PTPRD: variants seen among roughly 807,000 people sequenced by gnomAD.
PTPRD encodes protein tyrosine phosphatase receptor type D, also known as receptor-type tyrosine-protein phosphatase delta.
PTPRD carries 34 observed loss-of-function variants against 214.5 expected under a neutral mutation model. That is an observed-to-expected ratio of 0.16 (90% confidence interval 0.12 to 0.21). PTPRD has a LOEUF of 0.21. Among genes scored for constraint, PTPRD ranks in the 10% least tolerant of loss-of-function variants. The probability of loss-of-function intolerance (pLI) is 1.00; values close to 1 mark genes in which losing one functional copy is unlikely to be tolerated. For missense variants in PTPRD, 2,545 were observed against 2,398.7 expected (o/e 1.06, Z -1.27); for synonymous variants, 1,128 against 845.7 (o/e 1.33, Z -5.79).
At chr9:10,558,060 G>C (rs2063030988) in intron 2 of PTPRD, among the ~76,000 whole-genome samples, 3 of 152,034 alleles carry the variant, frequency 2.0e-5, no homozygotes, top group Admixed American at 2.0e-4. Context: ...TAATTTCTAT[G>C]GTTGTATCTG....
chr9:10,514,464 T>A lies in PTPRD; in HGVS notation c.-600+97934A>T, dbSNP rs1053736841. Among the ~76,000 whole-genome samples, 22 of 151,726 alleles carry A rather than the reference T, an allele frequency of 1.4e-4. No individual in the cohort carries two copies. In the East Asian group the frequency reaches 2.5e-3, roughly 17 times the overall value. ...TTATAGACATATATAGTTATATATA[T>A]AAAATAAACTTTTTTATAAATAGGA... On this transcript the variant is annotated intron_variant, in intron 2 of 45. Transcript: ENST00000381196.
chr9:9,268,080 G>T (rs556466918), intron 9 of PTPRD, among the ~76,000 whole-genome samples: 3 of 150,796 alleles, frequency 2.0e-5, no homozygotes, highest in Non-Finnish European at 4.5e-5. Flanking sequence ...AGAAAAAATT[G>T]TCTCTGTTTT....
chr9:9,533,297 A>G (rs1329306478), intron 8 of PTPRD, among the ~76,000 whole-genome samples: 1 of 152,118 alleles, frequency 6.6e-6, no homozygotes, highest in Admixed American at 6.6e-5. Context: ...TCCAGTGATG[A>G]CTTTCAGGTA....
intron 7 of PTPRD, among the ~76,000 whole-genome samples, chr9:9,724,056 T>C (rs141481404): frequency 1.5e-4 from 23 of 152,216 alleles, no homozygotes; most frequent in African/African-American, 5.3e-4. Context: ...CCACCACTTA[T>C]CACTCCTGGC....
At chr9:10,408,736 C>T (rs374705224) in intron 2 of PTPRD, among the ~76,000 whole-genome samples, 1 of 151,704 alleles carries the variant, frequency 6.6e-6, no homozygotes, top group East Asian at 2.0e-4. Context: ...TAATCCTTGA[C>T]TCCCTCACTT....
At chr9:9,456,648 T>C (rs1252425201) in intron 8 of PTPRD, among the ~76,000 whole-genome samples, 1 of 151,890 alleles carries the variant, frequency 6.6e-6, no homozygotes, top group Non-Finnish European at 1.5e-5. Flanking sequence ...GTTTATGGAG[T>C]GCTTATTATG....
intron 10 of PTPRD, among the ~76,000 whole-genome samples, chr9:9,144,730 G>C (rs534819272): frequency 3.3e-5 from 5 of 152,134 alleles, no homozygotes; most frequent in South Asian, 4.2e-4. Flanking sequence ...TCCAACCTAG[G>C]CGACAGAGCG....
At chr9:9,457,720 T>A (rs1027529344) in intron 8 of PTPRD, among the ~76,000 whole-genome samples, 2 of 152,074 alleles carry the variant, frequency 1.3e-5, no homozygotes, top group African/African-American at 4.8e-5. Context: ...GTTTTTTCCA[T>A]ACATTCAGTC....
At chr9:8,395,911 G>T (rs369992184) in intron 36 of PTPRD, among the ~76,000 whole-genome samples, 2 of 152,056 alleles carry the variant, frequency 1.3e-5, no homozygotes, top group Non-Finnish European at 2.9e-5. Flanking sequence ...TGATAGAGGG[G>T]CGTGCTTTTT....
intron 4 of PTPRD, among the ~76,000 whole-genome samples, chr9:10,011,834 G>A (rs1011706806): frequency 2.6e-5 from 4 of 151,866 alleles, no homozygotes; most frequent in African/African-American, 9.7e-5. Context: ...TCCTAAAATG[G>A]ATTGTATTTA....
chr9:10,359,043 T>C, intron 2 of PTPRD, among the ~76,000 whole-genome samples: 1 of 152,144 alleles, frequency 6.6e-6, no homozygotes, highest in African/African-American at 2.4e-5. Flanking sequence ...TGTGTATATA[T>C]ATTACAAGTC....
chr9:9,882,507 A>G (rs1340779763), intron 5 of PTPRD, among the ~76,000 whole-genome samples: 1 of 152,114 alleles, frequency 6.6e-6, no homozygotes, highest in Non-Finnish European at 1.5e-5. Flanking sequence ...AAAGGGCTCT[A>G]CTTTAGAAGT....
intron 11 of PTPRD, among the ~76,000 whole-genome samples, chr9:8,976,534 G>C (rs1477984984): frequency 6.6e-6 from 1 of 152,080 alleles, no homozygotes; most frequent in Non-Finnish European, 1.5e-5. Context: ...GCCAATACAA[G>C]TATTTGTTTA....
chr9:10,107,709 A>G (rs955947057), intron 3 of PTPRD, among the ~76,000 whole-genome samples: 6 of 152,106 alleles, frequency 3.9e-5, no homozygotes, highest in African/African-American at 1.2e-4. Context: ...GTATCTGGTA[A>G]ATGACTTATA....
At chr9:9,469,637 A>G (rs188073422) in intron 8 of PTPRD, among the ~76,000 whole-genome samples, 124 of 152,296 alleles carry the variant, frequency 8.1e-4, no homozygotes, top group Non-Finnish European at 1.2e-3. Context: ...ACATTCTACA[A>G]TATATATTAC....
intron 11 of PTPRD, among the ~76,000 whole-genome samples, chr9:8,828,970 T>G (rs2097228990): frequency 6.6e-6 from 1 of 152,274 alleles, no homozygotes. Flanking sequence ...AAACACATAT[T>G]CTTGGAAATA....
chr9:10,577,351 G>C (rs145158921), intron 2 of PTPRD, among the ~76,000 whole-genome samples: 1 of 152,122 alleles, frequency 6.6e-6, no homozygotes, highest in African/African-American at 2.4e-5. Flanking sequence ...CATCACTGCT[G>C]AGCTATTGAT....
intron 10 of PTPRD, among the ~76,000 whole-genome samples, chr9:9,150,232 G>A (rs2154487353): frequency 6.6e-6 from 1 of 152,036 alleles, no homozygotes; most frequent in African/African-American, 2.4e-5. Context: ...GTTCCAGGGA[G>A]TATGTATGAG....
intron 2 of PTPRD, among the ~76,000 whole-genome samples, chr9:10,585,116 G>A (rs532848625): frequency 1.3e-5 from 2 of 152,094 alleles, no homozygotes; most frequent in African/African-American, 4.8e-5. Flanking sequence ...TTGATATTTA[G>A]TAATATTAAA....
Sources: allele counts gnomAD v4.1 joint callset (sites outside exome capture counted in the v4.1 genomes callset), GRCh38; gene constraint gnomAD v4.1.1; transcripts MANE v1.5; gene names NCBI Gene and HGNC (gene_info 2026-07-23, HGNC 2026-07-21).